Variants in NBEAL1 observed in about 807,000 individuals in gnomAD.
NBEAL1 encodes the protein neurobeachin like 1.
NBEAL1 carries 273 observed loss-of-function variants against 351.3 expected under a neutral mutation model. The ratio of observed to expected loss-of-function variants is 0.78; its 90% CI spans 0.70 to 0.86. NBEAL1 has a LOEUF of 0.86. Among genes scored for constraint, NBEAL1 ranks in the 40% least tolerant of loss-of-function variants. The pLI, the probability that NBEAL1 is intolerant of heterozygous loss-of-function variation, is 0.00. For missense variants in NBEAL1, 2,961 were observed against 3,201.3 expected, an observed-to-expected ratio of 0.92 and a Z score of 1.81; for synonymous variants, 1,050 against 1,086.4, an observed-to-expected ratio of 0.97 and a Z score of 0.66.
intron 3 of NBEAL1, among the ~76,000 whole-genome samples, chr2:203,048,882 CT>C (rs71408913): frequency 0.36 from 51,502 of 143,406 alleles, 9,234 homozygotes; most frequent in East Asian, 0.61. Flanking sequence ...TCTACATTTC[CT>C]TTTTTTTTTT....
chr2:203,158,008 A>T (rs1396467212), intron 36 of NBEAL1, among the ~76,000 whole-genome samples, 183 bp downstream of exon 36: 1 of 152,176 alleles, frequency 6.6e-6, no homozygotes, highest in Non-Finnish European at 1.5e-5. Flanking sequence ...AACTGGGATA[A>T]CATGGAACTG....
intron 3 of NBEAL1, among the ~76,000 whole-genome samples, chr2:203,046,546 A>G (rs560658139): frequency 6.6e-6 from 1 of 152,154 alleles, no homozygotes; most frequent in African/African-American, 2.4e-5. Flanking sequence ...TTTACTGTTC[A>G]CCGTTCTGGA....
chr2:203,168,660 C>T (rs1286230628), intron 38 of NBEAL1, among the ~76,000 whole-genome samples: 2 of 151,970 alleles, frequency 1.3e-5, no homozygotes, highest in Non-Finnish European at 2.9e-5. Context: ...CTTTGGGAGG[C>T]CAAGGTGGCT....
At chr2:203,075,474 T>C (rs1409290558) in intron 7 of NBEAL1, among the ~76,000 whole-genome samples, 1 of 152,234 alleles carries the variant, frequency 6.6e-6, no homozygotes, top group African/African-American at 2.4e-5. Flanking sequence ...TAGCTCTGTG[T>C]AAAATCAGAG....
Position 203,130,368 on chromosome 2 carries a change from C to T in NBEAL1, c.3456C>T (p.Thr1152=). The T allele has an allele frequency of 1.3e-6, 2 of 1,532,462 alleles. No homozygotes were observed. The highest frequency in any genetic ancestry group is 1.8e-6 in the Non-Finnish European group (2 of 1,140,134). 94.9% of individuals were successfully genotyped at this position (1,532,462 alleles called of 1,614,324 possible). Residue 1152 remains threonine (T), a synonymous_variant, in exon 25 of 56, where the codon ACC becomes ACT. Transcript: ENST00000683969. The stretch of plus-strand genomic sequence containing the variant: ...TCAGTCTCCTACGTACCAGCCCAAC[C>T]AGAGGTCAGCTTTTCTTACTGCTTT... ...VLFSLLRTSP[T]RGQLFLLLFE...
chr2:203,019,491 T>C (rs2060732600), intron 2 of NBEAL1, among the ~76,000 whole-genome samples: 1 of 152,228 alleles, frequency 6.6e-6, no homozygotes, highest in African/African-American at 2.4e-5. Flanking sequence ...TGCTGTTTTG[T>C]TGCCCTGCTT....
chr2:203,044,417 A>C (rs2061193894), intron 3 of NBEAL1, among the ~76,000 whole-genome samples: 1 of 152,158 alleles, frequency 6.6e-6, no homozygotes, highest in African/African-American at 2.4e-5. Flanking sequence ...TAGAGTTAGG[A>C]TTTGAGCCTT....
At chr2:203,201,763 TC>T (rs774491125) in intron 50 of NBEAL1, 48 bp downstream of exon 50, 2 of 1,503,676 alleles carry the variant, frequency 1.3e-6, no homozygotes, top group South Asian at 1.3e-5. Flanking sequence ...TTTCTTTTTT[TC>T]TTAAGTATAA....
At chr2:203,173,738 A>C (rs1009971036) in intron 41 of NBEAL1, among the ~76,000 whole-genome samples, 2 of 152,070 alleles carry the variant, frequency 1.3e-5, no homozygotes, top group Non-Finnish European at 2.9e-5. Context: ...CACTCATATA[A>C]ATAACTTATT....
At chr2:203,040,429 G>C in intron 2 of NBEAL1, 1 of 718,920 alleles carries the variant, frequency 1.4e-6, no homozygotes, top group Non-Finnish European at 2.6e-6. Flanking sequence ...GAGAACCGTT[G>C]TAAGACTTCG....
chr2:203,043,810 T>TAAATCTTC (rs1241407871), intron 3 of NBEAL1, among the ~76,000 whole-genome samples: 1 of 151,718 alleles, frequency 6.6e-6, no homozygotes, highest in East Asian at 1.9e-4. Context: ...TCTGGAGACT[T>TAAATCTTC]AAATCTTCAA....
At chr2:203,206,841 C>T (rs1169772515) in intron 51 of NBEAL1, among the ~76,000 whole-genome samples, 3 of 150,606 alleles carry the variant, frequency 2.0e-5, no homozygotes, top group Non-Finnish European at 4.4e-5. Flanking sequence ...CGGCCGCCAC[C>T]CCGTCTGGGA....
intron 14 of NBEAL1, among the ~76,000 whole-genome samples, chr2:203,108,396 G>GTTTTTT (rs35488570): frequency 1.4e-5 from 2 of 145,722 alleles, no homozygotes; most frequent in African/African-American, 2.5e-5. Context: ...TGCTGGTTAA[G>GTTTTTT]TTTTTTTTTT....
chr2:203,030,154 T>C (rs941401757), intron 2 of NBEAL1, among the ~76,000 whole-genome samples: 2 of 152,232 alleles, frequency 1.3e-5, no homozygotes, highest in Non-Finnish European at 2.9e-5. Flanking sequence ...TTTTCATTTC[T>C]GGTAATAAGG....
At chr2:203,171,800 T>C in intron 39 of NBEAL1, 128 bp from the exon 40 acceptor site, 1 of 465,872 alleles carries the variant, frequency 2.1e-6, no homozygotes, top group Non-Finnish European at 3.8e-6. Context: ...GAAAAGTATA[T>C]TGATTTATCT....
chr2:203,192,156 G>A (rs190911212), intron 46 of NBEAL1, among the ~76,000 whole-genome samples: 5 of 152,294 alleles, frequency 3.3e-5, no homozygotes, highest in East Asian at 3.9e-4. Context: ...ATAGTCATAT[G>A]TGAAGTCAAT....
At chr2:203,117,026 C>A (rs926562786) in intron 18 of NBEAL1, among the ~76,000 whole-genome samples, 11 of 151,812 alleles carry the variant, frequency 7.2e-5, no homozygotes, top group Non-Finnish European at 1.6e-4. Context: ...TGATCGAACC[C>A]GGGAGTCAGA....
Position 203,135,735 on chromosome 2 carries a change from G to A in NBEAL1, c.3872G>A (p.Gly1291Asp). The A allele has an allele frequency of 6.4e-7, 1 of 1,573,030 alleles. No individual in the cohort carries two copies. Among genetic ancestry groups the A allele is most frequent in the South Asian group, 1.2e-5 (1 of 85,938 alleles). ...DAAHQISQQV[G>D]WQDTLVRLFL... is the part of the protein sequence containing the mutation. ...GCACATCAAATATCACAGCAAGTGG[G>A]TTGGCAAGACACCTTAGTTAGGCTT... Residue 1291 changes from glycine to aspartate, a missense_variant, in exon 28 of 56, where the codon GGT (glycine) becomes GAT (aspartate). By Grantham distance (94) the Gly-to-Asp change is moderately conservative (BLOSUM62 -1). Coordinates refer to ENST00000683969, the MANE Select transcript of NBEAL1 (RefSeq NM_001378026.1).
intron 5 of NBEAL1, 93 bp downstream of exon 5, chr2:203,056,601 T>A (rs936358616): frequency 1.3e-6 from 1 of 777,440 alleles, no homozygotes; most frequent in Non-Finnish European, 2.2e-6. Context: ...AGTTTTGCTC[T>A]TGTTGCCCAG....
Sources: allele counts gnomAD v4.1 joint callset (sites outside exome capture counted in the v4.1 genomes callset), GRCh38; gene constraint gnomAD v4.1.1; transcripts MANE v1.5; gene names NCBI Gene and HGNC (gene_info 2026-07-23, HGNC 2026-07-21).